ESRRG: variants seen among roughly 807,000 people sequenced by gnomAD.
ESRRG encodes estrogen related receptor gamma.
ESRRG carries 13 observed loss-of-function variants against 44.0 expected under a neutral mutation model. The observed-to-expected ratio is 0.30, with a 90% CI of 0.19 to 0.47. ESRRG has a LOEUF of 0.47. Among genes scored for constraint, ESRRG ranks in the 20% least tolerant of loss-of-function variants. ESRRG has a pLI of 1.00. For missense variants in ESRRG, 395 were observed against 580.6 expected (o/e 0.68, Z 3.29); for synonymous variants, 215 against 214.6 (o/e 1.00, Z -0.02).
chr1:216,538,205 T>C (rs940654540), intron 5 of ESRRG, among the ~76,000 whole-genome samples: 5 of 152,082 alleles, frequency 3.3e-5, no homozygotes, highest in Admixed American at 2.0e-4. Flanking sequence ...AATGTATTCC[T>C]CTTTGTAATT....
chr1:216,938,372 A>C (rs1256593542), intron 2 of ESRRG, among the ~76,000 whole-genome samples: 1 of 152,160 alleles, frequency 6.6e-6, no homozygotes, highest in African/African-American at 2.4e-5. Flanking sequence ...TGCTACGCAA[A>C]ACAACAGATG....
chr1:216,705,381 T>G (rs2082255815), intron 1 of ESRRG, among the ~76,000 whole-genome samples: 1 of 152,186 alleles, frequency 6.6e-6, no homozygotes, highest in Non-Finnish European at 1.5e-5. Flanking sequence ...GTGTAAATTA[T>G]TCACTAAAAA....
intron 5 of ESRRG, among the ~76,000 whole-genome samples, chr1:216,553,060 G>A (rs1451737220): frequency 1.3e-5 from 2 of 151,820 alleles, no homozygotes; most frequent in Non-Finnish European, 2.9e-5. Context: ...CTGCCACTGG[G>A]TTTTGCCATG....
intron 1 of ESRRG, among the ~76,000 whole-genome samples, chr1:217,122,678 T>G (rs2092835978): frequency 6.7e-6 from 1 of 148,452 alleles, no homozygotes; most frequent in African/African-American, 2.5e-5. Context: ...TTTTTTTTTT[T>G]TTTTTTTTTG....
At chr1:216,766,104 G>C (rs1576314538) in intron 2 of ESRRG, among the ~76,000 whole-genome samples, 1 of 152,202 alleles carries the variant, frequency 6.6e-6, no homozygotes, top group Admixed American at 6.5e-5. Context: ...TCTTCATTCA[G>C]CATACTTGTC....
At chr1:216,545,081 C>T (rs952602858) in intron 5 of ESRRG, among the ~76,000 whole-genome samples, 4 of 151,812 alleles carry the variant, frequency 2.6e-5, no homozygotes, top group Non-Finnish European at 5.9e-5. Context: ...GAGACGGGCT[C>T]GCTCTGTCAC....
chr1:216,986,968 A>G (rs1221338435), intron 1 of ESRRG, among the ~76,000 whole-genome samples: 1 of 152,212 alleles, frequency 6.6e-6, no homozygotes, highest in Non-Finnish European at 1.5e-5. Flanking sequence ...ATGCTAGAGA[A>G]AAGACTAAAT....
chr1:216,581,530 T>C (rs1414800432), intron 3 of ESRRG, among the ~76,000 whole-genome samples: 3 of 152,194 alleles, frequency 2.0e-5, no homozygotes, highest in African/African-American at 7.2e-5. Context: ...AAAGAACCCA[T>C]GTTCTATGAG....
chr1:216,870,889 C>T (rs1416928972), intron 2 of ESRRG, among the ~76,000 whole-genome samples: 1 of 151,636 alleles, frequency 6.6e-6, no homozygotes, highest in Non-Finnish European at 1.5e-5. Context: ...TTTTCTTTGT[C>T]AATCTTGCCA....
intron 2 of ESRRG, among the ~76,000 whole-genome samples, chr1:216,781,025 A>G (rs941481633): frequency 2.0e-5 from 3 of 152,080 alleles, no homozygotes; most frequent in African/African-American, 7.2e-5. Flanking sequence ...ATCATTTAAT[A>G]TGGTTAACTA....
At chr1:217,038,708 T>C (rs780992556) in intron 1 of ESRRG, among the ~76,000 whole-genome samples, 7 of 152,202 alleles carry the variant, frequency 4.6e-5, no homozygotes, top group Non-Finnish European at 1.0e-4. Flanking sequence ...GGGGCTGCCA[T>C]GAAGACCTCT....
intron 1 of ESRRG, among the ~76,000 whole-genome samples, chr1:217,014,106 A>C (rs1373342905): frequency 6.6e-6 from 1 of 151,548 alleles, no homozygotes; most frequent in Non-Finnish European, 1.5e-5. Context: ...CTCCTTCCAA[A>C]ATTTACTTTT....
At chr1:217,070,188 T>C (rs773299105) in intron 1 of ESRRG, among the ~76,000 whole-genome samples, 6 of 151,064 alleles carry the variant, frequency 4.0e-5, no homozygotes, top group Non-Finnish European at 7.3e-5. Flanking sequence ...ATAACTCAGT[T>C]TCTTCATCTG....
chr1:216,973,025 T>A (rs2072024222), intron 1 of ESRRG, among the ~76,000 whole-genome samples: 1 of 152,102 alleles, frequency 6.6e-6, no homozygotes, highest in Non-Finnish European at 1.5e-5. Context: ...TCTCCCCACC[T>A]CCATGTCTAC....
rs565219272 is a variant in ESRRG at position 216,578,549 on chromosome 1, G to A, written c.590-10451C>T. On this transcript the variant is annotated intron_variant, in intron 3 of 6. Transcript: ENST00000408911. ...TAAACAAGAAGTAATGAAGGAACAC[G>A]AAAAAGCAATTAGAAGGATACTCTA... 3.1e-3 allele frequency among the ~76,000 whole-genome samples: 466 copies of A among 152,068 alleles called. 3 individuals are homozygous for A. Among genetic ancestry groups the A allele is most frequent in the African/African-American group, 0.01 (427 of 41,502 alleles).
At chr1:216,873,570 C>T (rs1379015092) in intron 2 of ESRRG, among the ~76,000 whole-genome samples, 2 of 151,952 alleles carry the variant, frequency 1.3e-5, no homozygotes, top group Non-Finnish European at 2.9e-5. Flanking sequence ...CCAATGGATT[C>T]TCTTAATTTT....
At chr1:217,012,984 G>A (rs1302117798) in intron 1 of ESRRG, among the ~76,000 whole-genome samples, 1 of 152,182 alleles carries the variant, frequency 6.6e-6, no homozygotes, top group African/African-American at 2.4e-5. Context: ...TTGGCTTACA[G>A]ATGGTTGTCT....
intron 2 of ESRRG, among the ~76,000 whole-genome samples, chr1:216,779,306 A>ATATAT (rs540316388): frequency 0.021 from 524 of 25,146 alleles, 30 homozygotes; most frequent in African/African-American, 0.069. Context: ...ATTTATAAAC[A>ATATAT]TTATATTTAT....
chr1:217,126,267 A>G (rs192307256), intron 1 of ESRRG, among the ~76,000 whole-genome samples: 43 of 152,322 alleles, frequency 2.8e-4, no homozygotes, highest in East Asian at 7.7e-4. Flanking sequence ...GGAAAAAAGT[A>G]TCTATAAAAC....
Sources: allele counts gnomAD v4.1 joint callset (sites outside exome capture counted in the v4.1 genomes callset), GRCh38; gene constraint gnomAD v4.1.1; transcripts MANE v1.5; gene names NCBI Gene and HGNC (gene_info 2026-07-23, HGNC 2026-07-21).